The following FBRSL1 variants were observed in gnomAD, a reference collection of about 807,000 sequenced individuals.
The protein encoded by FBRSL1 is fibrosin like 1, also known as fibrosin-1-like protein.
FBRSL1 carries 51 observed loss-of-function variants against 89.6 expected under a neutral mutation model. That is an observed-to-expected ratio of 0.57 (90% CI 0.45 to 0.72). The LOEUF (loss-of-function observed/expected upper bound fraction) is 0.72, where lower values mean the gene tolerates loss of function less well. Ranked by LOEUF, FBRSL1 falls within the 30% of genes least tolerant of loss-of-function variation. The probability of loss-of-function intolerance (pLI) is 0.00; values close to 1 mark genes in which losing one functional copy is unlikely to be tolerated. For missense variants in FBRSL1, 1,618 were observed against 1,451.8 expected (o/e 1.11, Z -1.86); for synonymous variants, 779 against 681.1 (o/e 1.14, Z -2.24).
chr12:132,564,616 C>T (rs1431193663), intron 5 of FBRSL1, among the ~76,000 whole-genome samples: 1 of 128,752 alleles, frequency 7.8e-6, no homozygotes, highest in African/African-American at 3.0e-5. Context: ...CTGCCTCAGC[C>T]TCCCGAGTAG....
At chr12:132,582,353 C>T in intron 18 of FBRSL1, 87 bp downstream of exon 18, 5 of 1,174,636 alleles carry the variant, frequency 4.3e-6, no homozygotes, top group African/African-American at 1.5e-5. Flanking sequence ...CCCCCTCCCC[C>T]GTTCCCTCTT....
intron 1 of FBRSL1, among the ~76,000 whole-genome samples, chr12:132,492,372 C>T (rs912379534): frequency 3.3e-5 from 5 of 152,200 alleles, no homozygotes; most frequent in African/African-American, 9.7e-5. Context: ...TTTTTGTCAT[C>T]CCCACTCTGC....
At chr12:132,562,649 C>T (rs2039231083) in intron 5 of FBRSL1, among the ~76,000 whole-genome samples, 1 of 115,480 alleles carries the variant, frequency 8.7e-6, no homozygotes, top group Non-Finnish European at 1.8e-5. Flanking sequence ...CCAGCTGCAC[C>T]GCAGCCCTTT....
At chr12:132,567,146 G>T (rs1277378635) in intron 5 of FBRSL1, among the ~76,000 whole-genome samples, 3 of 152,172 alleles carry the variant, frequency 2.0e-5, no homozygotes, top group Non-Finnish European at 4.4e-5. Flanking sequence ...TGGGAGGGGT[G>T]CAGATTTGCC....
Position 132,572,305 on chromosome 12 carries a change from C to T in FBRSL1, c.1395C>T (p.Pro465=). 2 of 1,551,188 alleles carry T rather than the reference C, an allele frequency of 1.3e-6. No homozygotes were observed. Among genetic ancestry groups the T allele is most frequent in the Non-Finnish European group, 1.7e-6 (2 of 1,146,754 alleles). ...PRECQFDKYA[P]KLDSPYFRHS... is the part of the protein sequence containing the mutation. ...CCTTCCAGTTTGACAAGTATGCGCCCAAGCTGGACAGCCCCTACTTCCGAC... is the reference window on the plus strand; with the variant it reads ...CCTTCCAGTTTGACAAGTATGCGCCTAAGCTGGACAGCCCCTACTTCCGAC... The change falls in exon 10 of 19, where the codon CCC becomes CCT. Residue 465 remains proline, a synonymous_variant. Transcript: ENST00000680143.
intron 5 of FBRSL1, chr12:132,552,846 CGGCTGGACA>C (rs1213646971): frequency 6.1e-6 from 1 of 165,016 alleles, no homozygotes; most frequent in Non-Finnish European, 1.3e-5. Flanking sequence ...GACGGATGGA[CGGCTGGACA>C]GGCTGGAGGC....
chr12:132,531,572 C>T (rs916347942), intron 4 of FBRSL1, among the ~76,000 whole-genome samples: 4 of 151,802 alleles, frequency 2.6e-5, no homozygotes, highest in Non-Finnish European at 5.9e-5. Context: ...TGTGTGCACC[C>T]GCGTGTGTGT....
intron 12 of FBRSL1, 29 bp downstream of exon 12, chr12:132,574,187 C>A (rs1274680644): frequency 1.4e-6 from 2 of 1,428,378 alleles, no homozygotes; most frequent in Non-Finnish European, 1.8e-6. Flanking sequence ...CCGTCCCCAC[C>A]CCGGGGGATG....
In FBRSL1 at chr12:132,525,823, T is replaced by C; in HGVS notation, c.579T>C (p.Asp193=). Residue 193 remains aspartate (D), a splice_region_variant and synonymous_variant, in exon 3 of 19, where the codon GAT becomes GAC. Transcript: ENST00000680143. Reference sequence around the variant, plus strand: ...CCAGCTCCCGGGACCCGCTCAGCGATGTGAGTACCCAGCTGCCCGCGCCCG... The same window carrying C: ...CCAGCTCCCGGGACCCGCTCAGCGACGTGAGTACCCAGCTGCCCGCGCCCG... ...EATSSRDPLS[D]SSAHAVSGRG... 1 of 1,547,688 alleles carries C rather than the reference T, an allele frequency of 6.5e-7. No individual in the cohort carries two copies.
rs1566257864 is a variant in FBRSL1 at position 132,583,374 on chromosome 12, G to GC, written c.2610dup (p.Ala871ArgfsTer155). ...GCCACGTCGCGCCTTCCCCGCTGCC[G>GC]CCCCCGCCCCGGGCTCCGCCGCCCT... On this transcript the variant is annotated frameshift_variant, in exon 19 of 19. Transcript: ENST00000680143. LOFTEE classifies it high-confidence loss of function. The GC allele has an allele frequency of 3.6e-6, 4 of 1,098,926 alleles. No individual in the cohort carries two copies. Among genetic ancestry groups the GC allele is most frequent in the South Asian group, 3.0e-5 (1 of 33,278 alleles). The allele number at this position is 1,098,926 out of a possible 1,614,324, so 68.1% of individuals were successfully genotyped here.
intron 4 of FBRSL1, among the ~76,000 whole-genome samples, chr12:132,531,372 T>C (rs533320538): frequency 2.0e-5 from 3 of 152,218 alleles, no homozygotes; most frequent in African/African-American, 7.2e-5. Context: ...TGGGCGTGTG[T>C]GTGCATGTGC....
chr12:132,579,041 T>C (rs1406472019), intron 15 of FBRSL1, among the ~76,000 whole-genome samples: 2 of 142,478 alleles, frequency 1.4e-5, no homozygotes, highest in Admixed American at 7.2e-5. Context: ...CCGACCCTGC[T>C]CCTCCCCCGC....
At chr12:132,581,206 C>T (rs747159080) in intron 15 of FBRSL1, 1 of 985,404 alleles carries the variant, frequency 1.0e-6, no homozygotes. Context: ...CTCCCTGCCC[C>T]CCTTGGGGTC....
intron 4 of FBRSL1, among the ~76,000 whole-genome samples, chr12:132,531,001 G>GA (rs1396678294): frequency 6.6e-6 from 1 of 150,582 alleles, no homozygotes; most frequent in Non-Finnish European, 1.5e-5. Flanking sequence ...GTGTGGGGGG[G>GA]GGGGTGCAGG....
Position 132,570,233 on chromosome 12 carries a change from C to T in FBRSL1, c.999C>T (p.His333=), listed in dbSNP as rs553963077. ...GHSQAAANGL[H]GLSRSSSAPL... is the part of the protein sequence containing the mutation. ...GCCAGGCGGCAGCCAACGGCCTGCA[C>T]GGCCTCAGGTGGGGTCCCCGCGGGG... The change falls in exon 7 of 19, where the codon CAC becomes CAT. Residue 333 remains histidine (H), a synonymous_variant. Coordinates refer to ENST00000680143, the MANE Select transcript of FBRSL1 (RefSeq NM_001367871.1). 16 of 1,493,884 alleles carry T rather than the reference C, an allele frequency of 1.1e-5. No homozygotes were observed. The highest frequency in any genetic ancestry group is 6.4e-5 in the South Asian group (5 of 77,888). The allele number at this position is 1,493,884 out of a possible 1,614,324, so 92.5% of individuals were successfully genotyped here.
At chr12:132,566,807 G>A (rs1566217284) in intron 5 of FBRSL1, among the ~76,000 whole-genome samples, 1 of 152,140 alleles carries the variant, frequency 6.6e-6, no homozygotes, top group Admixed American at 6.5e-5. Context: ...TGGGCACCAG[G>A]CCTAGAGCTT....
chr12:132,539,467 C>T (rs148659753), intron 4 of FBRSL1, among the ~76,000 whole-genome samples: 4 of 118,766 alleles, frequency 3.4e-5, no homozygotes, highest in Admixed American at 8.4e-5. Flanking sequence ...CCCTCCAGCC[C>T]GATGCCCACC....
rs1219926284 is a variant in FBRSL1, at chr12:132,572,589, C to T, written c.1497C>T (p.Pro499=). ...GLPTLLPHPG[P]FGSLQGAFQP... ...CCACCCTGCTCCCACACCCCGGCCCCTTCGGGTCCCTGCAGGGCGCTTTTC... is the reference window on the plus strand; with the variant it reads ...CCACCCTGCTCCCACACCCCGGCCCTTTCGGGTCCCTGCAGGGCGCTTTTC... The change falls in exon 11 of 19, where the codon CCC becomes CCT. Residue 499 remains proline (P), a synonymous_variant. Coordinates refer to ENST00000680143, the MANE Select transcript of FBRSL1 (RefSeq NM_001367871.1). The T allele has an allele frequency of 6.4e-7, 1 of 1,551,074 alleles. No individual in the cohort carries two copies. The highest frequency in any genetic ancestry group is 2.4e-5 in the East Asian group (1 of 40,928).
chr12:132,568,566 C>T (rs4883551), intron 6 of FBRSL1, among the ~76,000 whole-genome samples: 38,409 of 152,270 alleles, frequency 0.25, 5,228 homozygotes, highest in South Asian at 0.32. Flanking sequence ...GACAATGTCC[C>T]AGTGAGGGCT....
Sources: allele counts gnomAD v4.1 joint callset (sites outside exome capture counted in the v4.1 genomes callset), GRCh38; gene constraint gnomAD v4.1.1; transcripts MANE v1.5; gene names NCBI Gene and HGNC (gene_info 2026-07-23, HGNC 2026-07-21).